The following IDE variants were observed in gnomAD, a reference collection of about 807,000 sequenced individuals.
The protein encoded by IDE is insulin-degrading enzyme.
In IDE, 58 loss-of-function variants were observed where a neutral mutation model predicts 133.2. That is an observed-to-expected ratio of 0.44 (90% confidence interval 0.35 to 0.54). IDE has a LOEUF of 0.54. Among genes scored for constraint, IDE ranks in the 20% least tolerant of loss-of-function variants. The pLI is 0.00. For missense variants in IDE, 981 were observed against 1,234.0 expected (o/e 0.79, Z 3.07); for synonymous variants, 396 against 421.3 (o/e 0.94, Z 0.73).
At chr10:92,502,748 C>G (rs887770107) in intron 11 of IDE, among the ~76,000 whole-genome samples, 1 of 152,196 alleles carries the variant, frequency 6.6e-6, no homozygotes, top group African/African-American at 2.4e-5. Flanking sequence ...AAGATTTCTT[C>G]GTTTTTCAAT....
Position 92,474,944 on chromosome 10 carries a change from G to T in IDE, c.2013C>A (p.Asn671Lys). The T allele has an allele frequency of 1.2e-6, 2 of 1,611,498 alleles. No individual in the cohort carries two copies. The highest frequency in any genetic ancestry group is 1.7e-6 in the Non-Finnish European group (2 of 1,178,786). The change falls in exon 17 of 25, where the codon AAC becomes AAA. Residue 671 changes from asparagine (N) to lysine (K), a missense_variant. Around this residue, in one of 2 missense-constraint regions of IDE, gnomAD observed 660 missense variants for 894.7 expected, o/e 0.74. Coordinates refer to ENST00000265986, the MANE Select transcript of IDE (RefSeq NM_004969.4). ...GGTGAGGCTGTTCAGCCCGGAAATT[G>T]TTAAGAGATCGCATATACTAGTGAA... ...IIKEAYMRSL[N>K]NFRAEQPHQH...
At chr10:92,464,025 G>A in intron 20 of IDE, 22 bp from the exon 21 acceptor site, 1 of 1,595,018 alleles carries the variant, frequency 6.3e-7, no homozygotes, top group Non-Finnish European at 8.6e-7. Flanking sequence ...ACATCAGCCA[G>A]TCATGACCGT....
chr10:92,532,042 ATTGCTACT>A, intron 3 of IDE, 125 bp from the exon 4 acceptor site: 1 of 549,252 alleles, frequency 1.8e-6, no homozygotes, highest in Non-Finnish European at 3.0e-6. Context: ...CAAAACTACC[ATTGCTACT>A]AAGAAAAAAG....
chr10:92,565,079 C>G (rs12763871), intron 1 of IDE, among the ~76,000 whole-genome samples: 2 of 151,748 alleles, frequency 1.3e-5, no homozygotes, highest in Non-Finnish European at 2.9e-5. Flanking sequence ...AACCCCATCT[C>G]TACTAAAAAT....
At chr10:92,458,398 G>C (rs923265545) in intron 22 of IDE, among the ~76,000 whole-genome samples, 3 of 151,326 alleles carry the variant, frequency 2.0e-5, no homozygotes, top group African/African-American at 7.3e-5. Context: ...CCTTTTCCTA[G>C]GTACCCCTAT....
intron 1 of IDE, among the ~76,000 whole-genome samples, chr10:92,571,930 T>C (rs1843806151): frequency 6.6e-6 from 1 of 152,242 alleles, no homozygotes; most frequent in Non-Finnish European, 1.5e-5. Flanking sequence ...CTTCAGATGT[T>C]AGTGCTTTCC....
chr10:92,472,826 G>A lies in IDE; in HGVS notation c.2116+2015C>T, dbSNP rs184568420. 4.9e-3 allele frequency among the ~76,000 whole-genome samples: 747 copies of A among 151,028 alleles called. 8 individuals carry two copies. Among genetic ancestry groups the A allele is most frequent in the African/African-American group, 0.017 (710 of 41,118 alleles). On this transcript the variant is annotated intron_variant, in intron 17 of 24. Transcript: ENST00000265986. ...GCTAATTTTTGTATTTTTTGTAGACGTGGGTTTCACCATGTTGGCCAGAAT... is the reference window on the plus strand; with the variant it reads ...GCTAATTTTTGTATTTTTTGTAGACATGGGTTTCACCATGTTGGCCAGAAT...
intron 1 of IDE, among the ~76,000 whole-genome samples, chr10:92,543,138 A>C (rs1258744236): frequency 6.6e-6 from 1 of 152,244 alleles, no homozygotes; most frequent in Non-Finnish European, 1.5e-5. Flanking sequence ...GTGAATTACA[A>C]ACCAAAACCT....
At chr10:92,561,614 T>C (rs1378086316) in intron 1 of IDE, among the ~76,000 whole-genome samples, 5 of 150,360 alleles carry the variant, frequency 3.3e-5, no homozygotes, top group Admixed American at 6.6e-5. Flanking sequence ...AAAAAAAAAT[T>C]AGCTGGGCGT....
chr10:92,562,316 G>A (rs1843320029), intron 1 of IDE, among the ~76,000 whole-genome samples: 1 of 152,078 alleles, frequency 6.6e-6, no homozygotes, highest in South Asian at 2.1e-4. Flanking sequence ...CACAAGAAAG[G>A]AAAAAGAACT....
chr10:92,512,331 A>G (rs746647647), intron 5 of IDE, among the ~76,000 whole-genome samples: 1 of 152,210 alleles, frequency 6.6e-6, no homozygotes, highest in Non-Finnish European at 1.5e-5. Flanking sequence ...TCTATACTGT[A>G]AAGACATCTC....
intron 1 of IDE, among the ~76,000 whole-genome samples, chr10:92,550,304 C>T (rs541298570): frequency 3.2e-4 from 49 of 152,028 alleles, no homozygotes; most frequent in Non-Finnish European, 6.2e-4. Context: ...AAATCTGCAA[C>T]AAAACAACAA....
chr10:92,457,907 T>C (rs1394850607), intron 22 of IDE, among the ~76,000 whole-genome samples: 1 of 152,158 alleles, frequency 6.6e-6, no homozygotes, highest in Non-Finnish European at 1.5e-5. Flanking sequence ...CTCCAGCCTC[T>C]TTCCAGGAAC....
intron 1 of IDE, among the ~76,000 whole-genome samples, chr10:92,550,320 T>G (rs1842720494): frequency 1.3e-5 from 2 of 151,942 alleles, no homozygotes; most frequent in South Asian, 4.1e-4. Flanking sequence ...AACAAAAAAT[T>G]TCTAAATGGG....
chr10:92,511,695 T>A (rs183831091), intron 5 of IDE, among the ~76,000 whole-genome samples: 750 of 54,876 alleles, frequency 0.014, 8 homozygotes, highest in African/African-American at 0.033. Flanking sequence ...TTTGCCTCAA[T>A]TTTTTTGACA....
chr10:92,487,178 C>CT lies in IDE; in HGVS notation c.1656+17dup. 1 of 1,598,820 alleles carries CT rather than the reference C, an allele frequency of 6.3e-7. No homozygotes were observed. The highest frequency in any genetic ancestry group is 8.5e-7 in the Non-Finnish European group (1 of 1,174,766). On this transcript the variant is annotated intron_variant, in intron 13 of 24. Coordinates refer to ENST00000265986, the MANE Select transcript of IDE (RefSeq NM_004969.4). ...GGTCTGTCCCCCAAATTTAAAATCA[C>CT]TGATTCAAACACATTACCTTAATAA...
intron 4 of IDE, among the ~76,000 whole-genome samples, chr10:92,524,217 A>G (rs1849385515): frequency 7.0e-6 from 1 of 142,396 alleles, no homozygotes; most frequent in South Asian, 2.1e-4. Context: ...CTGAGGCAGA[A>G]CTGCTTGAAC....
chr10:92,475,848 T>C (rs757785824), intron 16 of IDE, 36 bp downstream of exon 16: 34 of 754,580 alleles, frequency 4.5e-5, no homozygotes, highest in Non-Finnish European at 7.1e-5. Flanking sequence ...AGCAATATTA[T>C]CTTATGAATA....
intron 1 of IDE, among the ~76,000 whole-genome samples, chr10:92,551,546 G>A (rs1380917784): frequency 1.5e-5 from 2 of 131,292 alleles, no homozygotes; most frequent in Non-Finnish European, 3.1e-5. Flanking sequence ...CCAGCCTGGT[G>A]ACAGAGCAAG....
Sources: allele counts gnomAD v4.1 joint callset (sites outside exome capture counted in the v4.1 genomes callset), GRCh38; gene constraint gnomAD v4.1.1; regional missense constraint gnomAD v4.1.1; transcripts MANE v1.5; gene names NCBI Gene and HGNC (gene_info 2026-07-23, HGNC 2026-07-21).